Variants in TMCO5A observed in about 807,000 individuals in gnomAD.
TMCO5A encodes the protein transmembrane and coiled-coil domain-containing protein 5A.
A neutral mutation model predicts 42.3 loss-of-function variants in TMCO5A; 34 were observed. The observed-to-expected ratio is 0.80, with a 90% CI of 0.61 to 1.07. TMCO5A has a LOEUF of 1.07. TMCO5A is among the 50% of genes least tolerant of loss of function. TMCO5A has a pLI of 0.00. For missense variants in TMCO5A, 357 were observed against 327.9 expected (o/e 1.09, Z -0.69); for synonymous variants, 131 against 115.6 (o/e 1.13, Z -0.86).
downstream of TMCO5A, among the ~76,000 whole-genome samples, chr15:37,970,988 A>G (rs1257847893): frequency 6.6e-6 from 1 of 152,130 alleles, no homozygotes; most frequent in Non-Finnish European, 1.5e-5. Flanking sequence ...CAGTGGATCT[A>G]CCATTCTGGG....
At chr15:37,960,141 T>A (rs1258350668) in intron 11 of TMCO5A, among the ~76,000 whole-genome samples, 1 of 151,664 alleles carries the variant, frequency 6.6e-6, no homozygotes, top group Non-Finnish European at 1.5e-5. Context: ...ATTTGCAGTC[T>A]TTTTTAAAAT....
At chr15:37,966,655 C>T in exon 12 of TMCO5A, 1 of 702,882 alleles carries the variant, frequency 1.4e-6, no homozygotes, top group Non-Finnish European at 2.6e-6. Flanking sequence ...GGCAAGATGG[C>T]TGCCAACAAT....
At chr15:37,943,746 A>T (rs1325663473) in intron 10 of TMCO5A, 1 of 201,392 alleles carries the variant, frequency 5.0e-6, no homozygotes, top group Non-Finnish European at 1.0e-5. Context: ...TCCTACAATC[A>T]CAGTACTCTT....
chr15:38,012,773 T>C, the TMCO5A span, among the ~76,000 whole-genome samples: 2 of 152,158 alleles, frequency 1.3e-5, no homozygotes, highest in Admixed American at 6.6e-5. Context: ...TTCTTCGGCT[T>C]CCTGTCCTAG....
chr15:37,972,872 A>G, the TMCO5A span, among the ~76,000 whole-genome samples: 2 of 152,054 alleles, frequency 1.3e-5, no homozygotes, highest in Non-Finnish European at 2.9e-5. Flanking sequence ...GTCTACAATG[A>G]CTTTTTTAGG....
At position 37,936,106 on chromosome 15, in the gene TMCO5A, T is replaced by C. The variant is rs982771942; in HGVS notation, c.-10-208T>C. 2.2e-5 allele frequency: 10 copies of C among 448,740 alleles called. No homozygotes were observed. In the Admixed American group the frequency reaches 3.8e-4, roughly 17 times the overall value. The allele number at this position is 448,740 out of a possible 1,614,324, so 27.8% of individuals were successfully genotyped here. The stretch of plus-strand genomic sequence containing the variant: ...ATTGAGCACTTTGGAGGAGAAAGCC[T>C]GGGAAAGACCCTTGCTGACTGAGCT... On this transcript the variant is annotated intron_variant, in intron 2 of 11. Transcript: ENST00000319669.
the TMCO5A span, among the ~76,000 whole-genome samples, chr15:38,031,574 C>G: frequency 6.6e-6 from 1 of 152,194 alleles, no homozygotes; most frequent in Admixed American, 6.5e-5. Flanking sequence ...GTCTCTACAG[C>G]AGTGAAGAAC....
the TMCO5A span, among the ~76,000 whole-genome samples, chr15:38,023,784 A>ATCT: frequency 2.6e-5 from 4 of 152,228 alleles, no homozygotes; most frequent in African/African-American, 9.6e-5. Flanking sequence ...ACATGGGTTT[A>ATCT]TCTTTAAAAG....
intron 11 of TMCO5A, among the ~76,000 whole-genome samples, chr15:37,966,188 C>T (rs764546920): frequency 6.6e-6 from 1 of 151,900 alleles, no homozygotes; most frequent in Non-Finnish European, 1.5e-5. Flanking sequence ...TTTGTGAAAC[C>T]TAAAAATCAA....
At chr15:37,937,217 A>C in intron 4 of TMCO5A, 129 bp from the exon 5 acceptor site, 1 of 1,186,230 alleles carries the variant, frequency 8.4e-7, no homozygotes, top group East Asian at 2.4e-5. Context: ...TTCAATATAC[A>C]CATGACATTA....
At chr15:37,940,302 C>A (rs946961837) in intron 6 of TMCO5A, among the ~76,000 whole-genome samples, 28 of 152,130 alleles carry the variant, frequency 1.8e-4, no homozygotes, top group African/African-American at 6.5e-4. Context: ...CACCCTGTCT[C>A]GGCCCTACCT....
At position 37,938,165 on chromosome 15, in the gene TMCO5A, G is replaced by T; in HGVS notation, c.323G>T (p.Arg108Met). ...SITELQQKLT[R>M]KSQKITNCEQ... is the part of the protein sequence containing the mutation. ...TTTTATTTGAAACTATAGCTTACAA[G>T]GAAATCACAAAAGATAACCAATTGT... The change falls in exon 6 of 12, where the codon AGG (arginine) becomes ATG (methionine). Residue 108 changes from arginine (R) to methionine (M), a missense_variant. Coordinates refer to ENST00000319669, the MANE Select transcript of TMCO5A (RefSeq NM_152453.4). 1 of 1,576,378 alleles carries T rather than the reference G, an allele frequency of 6.3e-7. No homozygotes were observed. The highest frequency in any genetic ancestry group is 1.2e-5 in the South Asian group (1 of 85,944).
intron 10 of TMCO5A, among the ~76,000 whole-genome samples, chr15:37,947,191 A>G (rs1409379321): frequency 6.6e-6 from 1 of 152,162 alleles, no homozygotes; most frequent in Non-Finnish European, 1.5e-5. Flanking sequence ...CTTGCATCCC[A>G]GGGATAAAGC....
chr15:38,004,660 T>C, the TMCO5A span: 1 of 152,260 alleles, frequency 6.6e-6, no homozygotes, highest in South Asian at 2.1e-4. Flanking sequence ...TCCACTGTGA[T>C]AGGACAACAC....
the TMCO5A span, among the ~76,000 whole-genome samples, chr15:38,015,057 G>A: frequency 2.0e-5 from 3 of 151,404 alleles, no homozygotes; most frequent in East Asian, 3.9e-4. Context: ...TGTAGACTGC[G>A]AGGCTAGGCC....
the TMCO5A span, among the ~76,000 whole-genome samples, chr15:38,015,546 T>C: frequency 1.3e-5 from 2 of 152,166 alleles, no homozygotes; most frequent in South Asian, 4.1e-4. Flanking sequence ...AATCATATTC[T>C]TTGGTATTTA....
At chr15:37,972,153 G>A (rs113123672), downstream of TMCO5A, among the ~76,000 whole-genome samples, 3,651 of 152,256 alleles carry the variant, frequency 0.024, 151 homozygotes, top group African/African-American at 0.083. Context: ...TGGCTGGGGA[G>A]GCCTCACAAT....
At position 37,951,117 on chromosome 15, in the gene TMCO5A, T is replaced by C. The variant is rs749656433; in HGVS notation, c.750T>C (p.Asn250=). The C allele has an allele frequency of 5.0e-6, 8 of 1,613,760 alleles. No individual in the cohort carries two copies. The Admixed American group carries it at 1.2e-4, about 24-fold the overall frequency. Residue 250 remains asparagine, a synonymous_variant, in exon 12 of 12, where the codon AAT becomes AAC. Coordinates refer to ENST00000319669, the MANE Select transcript of TMCO5A (RefSeq NM_152453.4). The part of the protein sequence containing the change: ...SYMFFHVRFI[N]PDLLVNVLPK... ...TGTTTTTTCATGTAAGATTCATAAA[T>C]CCAGATCTCCTCGTCAATGTACTGC...
rs1250240196 is a variant in TMCO5A at position 37,961,202 on chromosome 15, C to T, written c.669-5423C>T. On this transcript the variant is annotated intron_variant, in intron 11 of 11. Coordinates refer to the TMCO5A transcript ENST00000559502. ...TTAGATTTAAGTCCTTAATCCATCT[C>T]GAGTTGATTTTTGTATAAGGCAAGA... Among the ~76,000 whole-genome samples, 6 of 151,920 alleles carry T rather than the reference C, an allele frequency of 3.9e-5. No individual in the cohort carries two copies. The East Asian group carries it at 9.6e-4, about 24-fold the overall frequency.
Sources: allele counts gnomAD v4.1 joint callset (sites outside exome capture counted in the v4.1 genomes callset), GRCh38; gene constraint gnomAD v4.1.1; transcripts MANE v1.5; gene names NCBI Gene and HGNC (gene_info 2026-07-23, HGNC 2026-07-21).